SHISA9: variants seen among roughly 807,000 people sequenced by gnomAD.
SHISA9 encodes the protein protein shisa-9.
A neutral mutation model predicts 38.0 loss-of-function variants in SHISA9; 13 were observed. The observed-to-expected ratio is 0.34, with a 90% CI of 0.22 to 0.54. The LOEUF is 0.54. Ranked by LOEUF, SHISA9 falls within the 20% of genes least tolerant of loss-of-function variation. The pLI is 0.91. For missense variants in SHISA9, 538 were observed against 575.8 expected, an observed-to-expected ratio of 0.93 and a Z score of 0.67; for synonymous variants, 275 against 242.0, an observed-to-expected ratio of 1.14 and a Z score of -1.27.
At chr16:12,945,613 C>A (rs746359992) in intron 2 of SHISA9, among the ~76,000 whole-genome samples, 3 of 152,148 alleles carry the variant, frequency 2.0e-5, no homozygotes, top group Non-Finnish European at 4.4e-5. Context: ...CAGACTCCAC[C>A]ACTTACTAGT....
the SHISA9 span, among the ~76,000 whole-genome samples, chr16:13,364,492 C>T: frequency 6.6e-6 from 1 of 152,208 alleles, no homozygotes; most frequent in African/African-American, 2.4e-5. Context: ...TGGTTCTTTT[C>T]ACCCAAATAT....
intron 1 of SHISA9, among the ~76,000 whole-genome samples, chr16:12,912,528 T>C (rs1283367100): frequency 6.6e-6 from 1 of 152,150 alleles, no homozygotes; most frequent in Non-Finnish European, 1.5e-5. Flanking sequence ...ACAATTTCTA[T>C]GCAGTTTCAG....
the SHISA9 span, among the ~76,000 whole-genome samples, chr16:13,470,706 G>T: frequency 6.6e-6 from 1 of 152,066 alleles, no homozygotes; most frequent in African/African-American, 2.4e-5. Flanking sequence ...CCATATCAAA[G>T]AATCATACAT....
the SHISA9 span, among the ~76,000 whole-genome samples, chr16:13,437,585 C>T: frequency 5.3e-5 from 8 of 152,252 alleles, no homozygotes; most frequent in Admixed American, 4.6e-4. Flanking sequence ...TCTGTGTTAC[C>T]TCCCAAGCCA....
chr16:13,494,245 CAT>C, the SHISA9 span, among the ~76,000 whole-genome samples: 1 of 152,172 alleles, frequency 6.6e-6, no homozygotes, highest in South Asian at 2.1e-4. Flanking sequence ...ACACTCAAAA[CAT>C]AGCCAGCAGG....
the SHISA9 span, among the ~76,000 whole-genome samples, chr16:13,516,745 C>G: frequency 6.6e-6 from 1 of 151,422 alleles, no homozygotes; most frequent in South Asian, 2.1e-4. Flanking sequence ...TTGCAGTGAG[C>G]CAAGACTGTG....
chr16:13,471,431 G>A, the SHISA9 span, among the ~76,000 whole-genome samples: 3 of 152,196 alleles, frequency 2.0e-5, no homozygotes, highest in East Asian at 1.9e-4. Flanking sequence ...TTCTAGATCC[G>A]ACTCTCTCCT....
At chr16:13,148,689 G>GCGCACA (rs6145754) in intron 2 of SHISA9, among the ~76,000 whole-genome samples, 8 of 132,442 alleles carry the variant, frequency 6.0e-5, no homozygotes, top group African/African-American at 2.2e-4. Context: ...ACATACACAA[G>GCGCACA]CACACACACA....
intron 2 of SHISA9, among the ~76,000 whole-genome samples, chr16:12,998,432 C>A (rs1010970276): frequency 5.9e-5 from 9 of 152,148 alleles, no homozygotes; most frequent in African/African-American, 2.2e-4. Flanking sequence ...CTCTACCATC[C>A]CTTGGGGTAA....
chr16:13,272,086 AAAAAAAG>A, the SHISA9 span, among the ~76,000 whole-genome samples: 1 of 137,684 alleles, frequency 7.3e-6, no homozygotes, highest in African/African-American at 2.5e-5. Flanking sequence ...TTAAAAAAAA[AAAAAAAG>A]AGAGAGAGAA....
chr16:13,543,059 A>G, the SHISA9 span, among the ~76,000 whole-genome samples: 1 of 152,168 alleles, frequency 6.6e-6, no homozygotes, highest in Non-Finnish European at 1.5e-5. Flanking sequence ...CCCTTTATTC[A>G]TTCCACAAAT....
At chr16:13,555,731 C>A in the SHISA9 span, among the ~76,000 whole-genome samples, 1 of 152,172 alleles carries the variant, frequency 6.6e-6, no homozygotes, top group Non-Finnish European at 1.5e-5. Context: ...ACCTACTAGA[C>A]TGATACTCCC....
intron 2 of SHISA9, among the ~76,000 whole-genome samples, chr16:13,175,321 C>T (rs1413391109): frequency 6.6e-6 from 1 of 152,114 alleles, no homozygotes; most frequent in Non-Finnish European, 1.5e-5. Context: ...TCCAGGAGTT[C>T]GAGGCTGCAG....
chr16:13,499,440 C>CA, the SHISA9 span, among the ~76,000 whole-genome samples: 1 of 151,952 alleles, frequency 6.6e-6, no homozygotes, highest in South Asian at 2.1e-4. Context: ...AAGCATGTAA[C>CA]AAAAATAGTA....
chr16:13,019,983 C>A lies in SHISA9; in HGVS notation c.691+103168C>A, dbSNP rs1212805314. Among the ~76,000 whole-genome samples, 3 of 107,746 alleles carry A rather than the reference C, an allele frequency of 2.8e-5. No individual in the cohort carries two copies. The Admixed American group carries it at 3.0e-4, about 11-fold the overall frequency. 70.7% of individuals were successfully genotyped at this position (107,746 alleles called of 152,430 possible). A position where few individuals can be genotyped will look rare whatever the true frequency, so the allele number is the denominator to read the frequency against. On this transcript the variant is annotated intron_variant, in intron 2 of 4. Transcript: ENST00000558583. ...TCCCTCCTTCTTTCCTTCCTTCCTT[C>A]CTTCCTTCCTTCCTTCCTTCCTTCC...
chr16:13,355,159 A>T, the SHISA9 span, among the ~76,000 whole-genome samples: 1 of 147,756 alleles, frequency 6.8e-6, no homozygotes, highest in South Asian at 2.2e-4. Context: ...GATAAGGCAC[A>T]GATACTGAAC....
chr16:13,038,881 C>G (rs554130912), intron 2 of SHISA9, among the ~76,000 whole-genome samples: 2 of 152,296 alleles, frequency 1.3e-5, no homozygotes, highest in East Asian at 1.9e-4. Context: ...GTACCTGTCT[C>G]TGTTTCTTTA....
At chr16:13,264,422 C>A in the SHISA9 span, among the ~76,000 whole-genome samples, 1 of 152,078 alleles carries the variant, frequency 6.6e-6, no homozygotes, top group African/African-American at 2.4e-5. Flanking sequence ...ATTCGCCCCC[C>A]TCGGCTTCCC....
At chr16:13,241,035 T>C (rs2051431223), downstream of SHISA9, among the ~76,000 whole-genome samples, 1 of 152,232 alleles carries the variant, frequency 6.6e-6, no homozygotes, top group African/African-American at 2.4e-5. Context: ...AGTTTCATGC[T>C]GCAGGGAAAC....
Sources: gnomAD v4.1 joint callset for allele counts (sites outside exome capture counted in the v4.1 genomes callset) on GRCh38, gnomAD v4.1.1 for gene constraint, MANE v1.5 for transcripts, NCBI Gene and HGNC (gene_info 2026-07-23, HGNC 2026-07-21) for gene names.